Variants in NHERF4 observed in about 807,000 individuals in gnomAD.
NHERF4 encodes Na(+)/H(+) exchange regulatory cofactor NHE-RF4.
chr11:119,186,775 C>A, the NHERF4 span: 1 of 1,259,010 alleles, frequency 7.9e-7, no homozygotes, highest in Non-Finnish European at 1.1e-6. This position sits in a 1 kb window ranked among gnomAD's most constrained non-coding sequence, Gnocchi z 4.4. Flanking sequence ...GGCAGCAGGG[C>A]ACAAGCCTCA....
At chr11:119,186,286 A>T in the NHERF4 span, 1 of 1,606,190 alleles carries the variant, frequency 6.2e-7, no homozygotes. This position sits in a 1 kb window ranked among gnomAD's most constrained non-coding sequence, Gnocchi z 4.4. Context: ...CTTGGTTGGG[A>T]GTAGAGATAG....
At chr11:119,187,396 G>A in the NHERF4 span, 1 of 1,614,118 alleles carries the variant, frequency 6.2e-7, no homozygotes, top group Non-Finnish European at 8.5e-7. Flanking sequence ...AGGCCCAGGG[G>A]TCCGGCCCCG....
the NHERF4 span, chr11:119,188,778 C>T: frequency 5.6e-6 from 9 of 1,614,090 alleles, no homozygotes; most frequent in Admixed American, 3.3e-5. Context: ...TCTTGGCTCC[C>T]GACAGTGCTT....
the NHERF4 span, chr11:119,189,025 T>A: frequency 6.2e-7 from 1 of 1,614,140 alleles, no homozygotes; most frequent in Non-Finnish European, 8.5e-7. This position sits in a 1 kb window ranked among gnomAD's most constrained non-coding sequence, Gnocchi z 5.8. Context: ...GAGGCTCAGC[T>A]GCCCGGGCTG....
the NHERF4 span, chr11:119,188,580 T>G: frequency 6.2e-7 from 1 of 1,605,986 alleles, no homozygotes. Context: ...GGGCTAGGGT[T>G]GGGGCAGGAG....
the NHERF4 span, chr11:119,186,827 G>T: frequency 1.1e-6 from 1 of 897,084 alleles, no homozygotes. This position sits in a 1 kb window ranked among gnomAD's most constrained non-coding sequence, Gnocchi z 4.4. Context: ...AAGTCAGAGG[G>T]GTAGGGAAAG....
chr11:119,189,884 A>C, the NHERF4 span: 1 of 342,758 alleles, frequency 2.9e-6, no homozygotes, highest in Non-Finnish European at 5.4e-6. The surrounding 1 kb of genome is among the most constrained non-coding windows in gnomAD (Gnocchi z 5.8). Flanking sequence ...TGGGTGCCTT[A>C]GCATTGCGGG....
At chr11:119,187,756 G>C in the NHERF4 span, 5 of 1,466,394 alleles carry the variant, frequency 3.4e-6, no homozygotes, top group African/African-American at 1.4e-5. Flanking sequence ...GCCCCACCTC[G>C]GGAAGACGCC....
the NHERF4 span, chr11:119,185,943 C>T: frequency 2.4e-5 from 39 of 1,614,006 alleles, no homozygotes; most frequent in South Asian, 5.5e-5. Context: ...GACACAGCCT[C>T]GTTAACTCTG....
the NHERF4 span, chr11:119,188,197 A>G: frequency 6.6e-7 from 1 of 1,515,824 alleles, no homozygotes; most frequent in African/African-American, 1.4e-5. Context: ...GGGTGGGCAC[A>G]CAAGCGTATA....
chr11:119,185,871 A>G, the NHERF4 span: 15 of 1,612,740 alleles, frequency 9.3e-6, no homozygotes, highest in Middle Eastern at 1.7e-4. Flanking sequence ...GAAGAGGCAC[A>G]TCTGGGGAGA....
the NHERF4 span, chr11:119,187,152 A>AG: frequency 6.2e-5 from 54 of 867,772 alleles, no homozygotes; most frequent in Admixed American, 1.3e-3. Flanking sequence ...AAAAAAAAAA[A>AG]AAAAAAGAAA....
chr11:119,187,415 A>C, the NHERF4 span: 2 of 1,613,996 alleles, frequency 1.2e-6, no homozygotes, highest in African/African-American at 2.7e-5. Context: ...CGGCTGTGCC[A>C]CATAGTGAAA....
chr11:119,189,863 C>T, the NHERF4 span: 3 of 362,994 alleles, frequency 8.3e-6, no homozygotes, highest in Non-Finnish European at 1.0e-5. The surrounding 1 kb of genome is among the most constrained non-coding windows in gnomAD (Gnocchi z 5.8). Context: ...ACCAGCTATG[C>T]CTGCCCTCTG....
chr11:119,187,940 C>T, the NHERF4 span: 1 of 1,557,760 alleles, frequency 6.4e-7, no homozygotes, highest in Non-Finnish European at 8.7e-7. Flanking sequence ...GTCCCCACAG[C>T]TTTGGCAGAG....
chr11:119,189,768 C>T, the NHERF4 span: 10 of 536,716 alleles, frequency 1.9e-5, no homozygotes, highest in East Asian at 6.6e-5. The surrounding 1 kb of genome is among the most constrained non-coding windows in gnomAD (Gnocchi z 5.8). Flanking sequence ...GAAGGTGTGG[C>T]TGTGGGTCTG....
At chr11:119,187,647 G>T in the NHERF4 span, 438 of 1,557,098 alleles carry the variant, frequency 2.8e-4, 1 homozygote, top group East Asian at 2.5e-3. Flanking sequence ...CCGGCTGCTG[G>T]AAGTGAATGG....
chr11:119,188,718 G>A, the NHERF4 span: 4 of 1,614,084 alleles, frequency 2.5e-6, no homozygotes, highest in African/African-American at 4.0e-5. Context: ...AGCCTCACTG[G>A]TTGAGACAGA....
chr11:119,187,406 G>C, the NHERF4 span: 3 of 1,614,102 alleles, frequency 1.9e-6, no homozygotes, highest in Non-Finnish European at 2.5e-6. Flanking sequence ...GTCCGGCCCC[G>C]GCTGTGCCAC....
Sources: allele counts gnomAD v4.1 joint callset, GRCh38; gene constraint gnomAD v4.1.1; non-coding constraint Gnocchi (gnomAD v3.1); transcripts MANE v1.5; gene names NCBI Gene and HGNC (gene_info 2026-07-23, HGNC 2026-07-21).